Variants in FKTN observed in about 807,000 individuals in gnomAD.
FKTN encodes ribitol-5-phosphate transferase FKTN.
FKTN carries 47 observed loss-of-function variants against 58.6 expected under a neutral mutation model. The observed-to-expected ratio is 0.80, with a 90% confidence interval of 0.63 to 1.02. The LOEUF is 1.02. FKTN is among the 50% of genes least tolerant of loss of function. The pLI, the probability that FKTN is intolerant of heterozygous loss-of-function variation, is 0.00. For missense variants in FKTN, 516 were observed against 537.3 expected (o/e 0.96, Z 0.39); for synonymous variants, 178 against 191.9 (o/e 0.93, Z 0.60).
chr9:105,603,665 A>G (rs1208085262), intron 5 of FKTN: 1 of 153,452 alleles, frequency 6.5e-6, no homozygotes, highest in African/African-American at 2.4e-5. Context: ...ATTAATTTTC[A>G]TAGAGTTTTT....
At chr9:105,605,903 T>G (rs1204217406) in intron 6 of FKTN, among the ~76,000 whole-genome samples, 1 of 152,166 alleles carries the variant, frequency 6.6e-6, no homozygotes, top group Non-Finnish European at 1.5e-5. Context: ...TTGGATTGTT[T>G]AATACAAAGG....
rs923484240 is a variant in FKTN at position 105,574,972 on chromosome 9, C to G, written c.-61C>G. Reference sequence around the variant, plus strand: ...AACAAAATTATCTTCCTTTCCAAATCCAAAAAGATGAAAACGACTGAGATA... The same window carrying G: ...AACAAAATTATCTTCCTTTCCAAATGCAAAAAGATGAAAACGACTGAGATA... On this transcript the variant is annotated 5_prime_UTR_variant, in exon 3 of 11. It adds an upstream start codon to the 5' untranslated region. Coordinates refer to ENST00000357998, the MANE Select transcript of FKTN (RefSeq NM_001079802.2). 1.1e-6 allele frequency: 1 copy of G among 934,638 alleles called. No individual in the cohort carries two copies. The highest frequency in any genetic ancestry group is 1.8e-6 in the Non-Finnish European group (1 of 561,670). 57.9% of individuals were successfully genotyped at this position (934,638 alleles called of 1,614,324 possible). A position where few individuals can be genotyped will look rare whatever the true frequency, so the allele number is the denominator to read the frequency against.
At chr9:105,578,021 T>C (rs1355193283) in intron 3 of FKTN, among the ~76,000 whole-genome samples, 1 of 152,094 alleles carries the variant, frequency 6.6e-6, no homozygotes, top group Non-Finnish European at 1.5e-5. Flanking sequence ...ATTGATTTTG[T>C]ATCTTGAGAC....
intron 1 of FKTN, among the ~76,000 whole-genome samples, chr9:105,562,326 G>GT: frequency 6.6e-6 from 1 of 152,230 alleles, no homozygotes; most frequent in Non-Finnish European, 1.5e-5. Context: ...GCTGCTGGTT[G>GT]GCTGGGGATG....
intron 7 of FKTN, among the ~76,000 whole-genome samples, 154 bp downstream of exon 7, chr9:105,608,105 G>GT (rs796823797): frequency 1.3e-4 from 19 of 151,940 alleles, no homozygotes; most frequent in South Asian, 1.0e-3. Flanking sequence ...TTTTCTTTCA[G>GT]TTTTTTTTAG....
At chr9:105,564,951 C>T (rs62062221) in intron 1 of FKTN, among the ~76,000 whole-genome samples, 4 of 152,178 alleles carry the variant, frequency 2.6e-5, no homozygotes, top group Admixed American at 6.5e-5. Context: ...GCTGATCTCT[C>T]GGCAGGAACT....
chr9:105,612,467 G>T (rs1486506327), intron 7 of FKTN, among the ~76,000 whole-genome samples: 2 of 150,394 alleles, frequency 1.3e-5, no homozygotes, highest in African/African-American at 4.9e-5. Flanking sequence ...GCCTGTGCCT[G>T]TGTCCTAAAT....
intron 3 of FKTN, among the ~76,000 whole-genome samples, 184 bp from the exon 4 acceptor site, chr9:105,596,414 A>T (rs1327412971): frequency 6.6e-6 from 1 of 152,178 alleles, no homozygotes; most frequent in African/African-American, 2.4e-5. Flanking sequence ...GATGTTTTCC[A>T]TCTTGGATTT....
intron 7 of FKTN, among the ~76,000 whole-genome samples, chr9:105,612,339 A>T (rs952274495): frequency 1.3e-5 from 2 of 151,986 alleles, no homozygotes; most frequent in Admixed American, 6.6e-5. Context: ...TCCATAGGTT[A>T]TATGTTTACT....
At position 105,637,606 on chromosome 9, in the gene FKTN, G is replaced by C. The variant is rs1834135267; in HGVS notation, c.*2342G>C. The C allele has an allele frequency of 1.0e-6, 1 of 985,276 alleles. No individual in the cohort carries two copies. 61.0% of individuals were successfully genotyped at this position (985,276 alleles called of 1,614,324 possible). Reference sequence around the variant, plus strand: ...TATATCCATCTTCAGTACCTCATTGGATCACTTTTCTTTCATCACTTGAGT... The same window carrying C: ...TATATCCATCTTCAGTACCTCATTGCATCACTTTTCTTTCATCACTTGAGT... On this transcript the variant is annotated 3_prime_UTR_variant, in exon 11 of 11. Coordinates refer to ENST00000357998, the MANE Select transcript of FKTN (RefSeq NM_001079802.2).
chr9:105,563,322 C>G (rs190552316), intron 1 of FKTN, among the ~76,000 whole-genome samples: 1 of 152,140 alleles, frequency 6.6e-6, no homozygotes, highest in African/African-American at 2.4e-5. Context: ...GTGGGTGCAG[C>G]GCACCGAGCG....
At chr9:105,612,769 A>G (rs1200509619) in intron 7 of FKTN, among the ~76,000 whole-genome samples, 6 of 152,186 alleles carry the variant, frequency 3.9e-5, no homozygotes, top group Non-Finnish European at 8.8e-5. Flanking sequence ...GTTTGAGACC[A>G]GCCTGGGCAA....
At chr9:105,595,351 G>C (rs983747262) in intron 3 of FKTN, among the ~76,000 whole-genome samples, 1 of 152,170 alleles carries the variant, frequency 6.6e-6, no homozygotes, top group East Asian at 1.9e-4. Flanking sequence ...AAAATAACAT[G>C]CTAGCTCACT....
Position 105,636,397 on chromosome 9 carries a change from A to G in FKTN, c.*1133A>G, listed in dbSNP as rs2768282. On this transcript the variant is annotated 3_prime_UTR_variant, in exon 11 of 11. Transcript: ENST00000357998. Reference sequence around the variant, plus strand: ...AAGCTAAATGGTGGACTTGACAACTATTCACCCTACCTCAGATCATAGAGT... The same window carrying G: ...AAGCTAAATGGTGGACTTGACAACTGTTCACCCTACCTCAGATCATAGAGT... 132,436 of 985,320 alleles carry G rather than the reference A, an allele frequency of 0.13. 9,507 individuals carry two copies. The highest frequency in any genetic ancestry group is 0.23 in the Admixed American group (3,813 of 16,394). 61.0% of individuals were successfully genotyped at this position (985,320 alleles called of 1,614,324 possible).
At position 105,618,033 on chromosome 9, in the gene FKTN, T is replaced by A. The variant is rs1396923843; in HGVS notation, c.985T>A (p.Ser329Thr). ...AGGAATTTTTATACAAGATTACAAATCTGATATTATTTTAGCATTTCAGGA... is the reference window on the plus strand; with the variant it reads ...AGGAATTTTTATACAAGATTACAAAACTGATATTATTTTAGCATTTCAGGA... Reference protein sequence around the residue: ...DLGIFIQDYKSDIILAFQDAG... With the variant: ...DLGIFIQDYKTDIILAFQDAG... Residue 329 changes from serine (S) to threonine (T), a missense_variant, in exon 9 of 11, where the codon TCT (serine) becomes ACT (threonine). Physicochemically the swap from Ser to Thr is moderately conservative, Grantham distance 58 (BLOSUM62 1). Transcript: ENST00000357998. 6.2e-7 allele frequency: 1 copy of A among 1,606,152 alleles called. No individual in the cohort carries two copies. Among genetic ancestry groups the A allele is most frequent in the South Asian group, 1.1e-5 (1 of 90,946 alleles).
chr9:105,599,882 G>C (rs1423508451), intron 4 of FKTN, among the ~76,000 whole-genome samples: 1 of 151,828 alleles, frequency 6.6e-6, no homozygotes, highest in Non-Finnish European at 1.5e-5. Flanking sequence ...TGTAGAATTG[G>C]TATTCTTCCT....
chr9:105,585,182 T>C (rs957616550), intron 3 of FKTN, among the ~76,000 whole-genome samples: 8 of 152,148 alleles, frequency 5.3e-5, no homozygotes, highest in Admixed American at 1.3e-4. Context: ...CCCAGCACTT[T>C]GGGAGGCTTA....
chr9:105,605,770 G>A (rs546620824), intron 6 of FKTN, among the ~76,000 whole-genome samples: 2 of 152,070 alleles, frequency 1.3e-5, no homozygotes. Flanking sequence ...GAGGGGAAGA[G>A]GGGGATGGTT....
intron 1 of FKTN, among the ~76,000 whole-genome samples, chr9:105,571,609 G>A (rs1234493008): frequency 6.6e-6 from 1 of 152,130 alleles, no homozygotes; most frequent in Non-Finnish European, 1.5e-5. Flanking sequence ...CCTATTATGT[G>A]TTCTTTCCCA....
Sources: gnomAD v4.1 joint callset for allele counts (sites outside exome capture counted in the v4.1 genomes callset) on GRCh38, gnomAD v4.1.1 for gene constraint, MANE v1.5 for transcripts, NCBI Gene and HGNC (gene_info 2026-07-23, HGNC 2026-07-21) for gene names.